SDHC: variants seen among roughly 807,000 people sequenced by gnomAD.
SDHC encodes succinate dehydrogenase complex subunit C, also known as succinate dehydrogenase cytochrome b560 subunit, mitochondrial.
A neutral mutation model predicts 22.6 loss-of-function variants in SDHC; 11 were observed. That is an observed-to-expected ratio of 0.49 (90% confidence interval 0.31 to 0.81). The LOEUF (loss-of-function observed/expected upper bound fraction) is 0.81, where lower values mean the gene tolerates loss of function less well. Ranked by LOEUF, SDHC falls within the 30% of genes least tolerant of loss-of-function variation. SDHC has a pLI of 0.05. For synonymous variants in SDHC, 80 were observed against 77.8 expected, an observed-to-expected ratio of 1.03 and a Z score of -0.15; for missense variants, 160 against 212.0, an observed-to-expected ratio of 0.75 and a Z score of 1.52.
At chr1:161,340,169 A>T (rs73024045) in intron 3 of SDHC, among the ~76,000 whole-genome samples, 11,848 of 152,018 alleles carry the variant, frequency 0.078, 520 homozygotes, top group South Asian at 0.17. Flanking sequence ...GGCACCTGTA[A>T]TCCCAGCTAC....
In SDHC at chr1:161,360,563, TA is replaced by T. The variant is rs758051207; in HGVS notation, c.406-1754del. Among the ~76,000 whole-genome samples the T allele has an allele frequency of 4.7e-3, 449 of 95,016 alleles. 2 individuals carry two copies. Among genetic ancestry groups the T allele is most frequent in the African/African-American group, 0.015 (361 of 24,862 alleles). 62.3% of individuals were successfully genotyped at this position (95,016 alleles called of 152,430 possible). ...AAAGTGAGACCCTGTCTCAAAAAAT[TA>T]AAAAAAAAAAAGTGGGGGTGGGTGG... On this transcript the variant is annotated intron_variant, in intron 5 of 5. Coordinates refer to ENST00000367975, the MANE Select transcript of SDHC (RefSeq NM_003001.5).
Position 161,345,272 on chromosome 1 carries a change from T to C in SDHC, c.241+4617T>C, listed in dbSNP as rs1304695379. Among the ~76,000 whole-genome samples the C allele has an allele frequency of 3.3e-5, 5 of 152,290 alleles. No homozygotes were observed. In the East Asian group the frequency reaches 9.6e-4, roughly 29 times the overall value. ...CCCACCCTGACCTCTTGCTGCACTG[T>C]GCTTGGTTAGTTCTTTCTTATCCTT... On this transcript the variant is annotated intron_variant, in intron 4 of 5. Transcript: ENST00000367975.
intron 3 of SDHC, among the ~76,000 whole-genome samples, chr1:161,329,709 AC>A (rs1291901026): frequency 6.6e-6 from 1 of 152,230 alleles, no homozygotes; most frequent in Non-Finnish European, 1.5e-5. Flanking sequence ...GTATTGTCTT[AC>A]CATTCTTTAG....
intron 4 of SDHC, among the ~76,000 whole-genome samples, chr1:161,347,832 C>CTCCA (rs1484693476): frequency 6.6e-6 from 1 of 152,026 alleles, no homozygotes; most frequent in African/African-American, 2.4e-5. Flanking sequence ...CGCCACTGCA[C>CTCCA]TCCAGCCTGG....
chr1:161,325,520 A>T (rs1671018671), intron 2 of SDHC, among the ~76,000 whole-genome samples: 1 of 152,060 alleles, frequency 6.6e-6, no homozygotes, highest in Non-Finnish European at 1.5e-5. Context: ...TCTCTACAAA[A>T]AATACAAAAA....
chr1:161,334,627 T>C (rs1282148797), intron 3 of SDHC, among the ~76,000 whole-genome samples: 1 of 152,050 alleles, frequency 6.6e-6, no homozygotes, highest in Non-Finnish European at 1.5e-5. Context: ...TTTCTAGAAA[T>C]GGAGTTTGGC....
At chr1:161,321,641 A>G (rs1670841587) in intron 1 of SDHC, among the ~76,000 whole-genome samples, 1 of 152,210 alleles carries the variant, frequency 6.6e-6, no homozygotes, top group Non-Finnish European at 1.5e-5. Flanking sequence ...CTTGCCTTCA[A>G]AGCTGGAAAG....
intron 1 of SDHC, among the ~76,000 whole-genome samples, chr1:161,323,274 A>AGGTGTGAGC (rs1670908046): frequency 6.6e-6 from 1 of 152,148 alleles, no homozygotes; most frequent in South Asian, 2.1e-4. Flanking sequence ...CTGGGATTAC[A>AGGTGTGAGC]GGTGTGAGCC....
intron 1 of SDHC, among the ~76,000 whole-genome samples, chr1:161,315,139 C>A (rs1332392067): frequency 6.6e-6 from 1 of 152,182 alleles, no homozygotes; most frequent in East Asian, 1.9e-4. Context: ...TCTGCTCAGC[C>A]TCTCTAGTCA....
At chr1:161,318,055 C>T (rs1670692761) in intron 1 of SDHC, among the ~76,000 whole-genome samples, 1 of 151,844 alleles carries the variant, frequency 6.6e-6, no homozygotes, top group African/African-American at 2.4e-5. Flanking sequence ...GCCTGTCGTC[C>T]CAGCTACTCG....
intron 5 of SDHC, among the ~76,000 whole-genome samples, chr1:161,359,723 A>G (rs1672429328): frequency 6.6e-6 from 1 of 152,146 alleles, no homozygotes; most frequent in African/African-American, 2.4e-5. Flanking sequence ...TCTAGCAAGT[A>G]CTGGCTGTGA....
chr1:161,317,663 G>A (rs1670675440), intron 1 of SDHC, among the ~76,000 whole-genome samples: 1 of 145,582 alleles, frequency 6.9e-6, no homozygotes, highest in African/African-American at 2.5e-5. Flanking sequence ...CTGGGTTCAA[G>A]CGATTCTCCT....
At chr1:161,336,634 G>C (rs768817470) in intron 3 of SDHC, among the ~76,000 whole-genome samples, 1 of 152,076 alleles carries the variant, frequency 6.6e-6, no homozygotes, top group Non-Finnish European at 1.5e-5. Flanking sequence ...TGTAACTCCA[G>C]ACATACTTGG....
rs532317918 is a variant in SDHC, at chr1:161,339,662, GTTTTTTTTT to G, written c.180-912_180-904del. On this transcript the variant is annotated intron_variant, in intron 3 of 5. Transcript: ENST00000367975. The stretch of plus-strand genomic sequence containing the variant: ...TTTGTAACCTAATCCTGATACAGGT[GTTTTTTTTT>G]TTTTTTTTTTTTTTTTTTTGGAGAC... 4.4e-3 allele frequency: 225 copies of G among 51,668 alleles called. 2 individuals carry two copies. Among genetic ancestry groups the G allele is most frequent in the Middle Eastern group, 8.5e-3 (1 of 118 alleles). The allele number at this position is 51,668 out of a possible 1,614,324, so 3.2% of individuals were successfully genotyped here. A position where few individuals can be genotyped will look rare whatever the true frequency, so the allele number is the denominator to read the frequency against.
intron 2 of SDHC, among the ~76,000 whole-genome samples, chr1:161,323,988 G>A (rs1670952664): frequency 1.3e-5 from 2 of 152,128 alleles, no homozygotes; most frequent in African/African-American, 2.4e-5. Flanking sequence ...GAGCCACCGC[G>A]CCCGGCCCTG....
chr1:161,326,275 T>C (rs1306805477), intron 2 of SDHC, among the ~76,000 whole-genome samples: 1 of 151,554 alleles, frequency 6.6e-6, no homozygotes, highest in African/African-American at 2.4e-5. Flanking sequence ...TGAATTAAAG[T>C]TGGTATAAAA....
chr1:161,315,706 A>G (rs1012912467), intron 1 of SDHC, among the ~76,000 whole-genome samples: 1 of 152,172 alleles, frequency 6.6e-6, no homozygotes, highest in African/African-American at 2.4e-5. Context: ...AGCGCTGTCC[A>G]CTGAAGGGAT....
chr1:161,357,429 C>T (rs751265136), intron 5 of SDHC, among the ~76,000 whole-genome samples: 3 of 152,120 alleles, frequency 2.0e-5, no homozygotes, highest in Non-Finnish European at 2.9e-5. Flanking sequence ...GACAAAGTCT[C>T]GCTCTGTCTC....
At chr1:161,331,075 C>A (rs1368057832) in intron 3 of SDHC, among the ~76,000 whole-genome samples, 1 of 151,414 alleles carries the variant, frequency 6.6e-6, no homozygotes, top group Non-Finnish European at 1.5e-5. Context: ...ACAAGACGTT[C>A]CCTTATAGAA....
Sources: gnomAD v4.1 joint callset for allele counts (sites outside exome capture counted in the v4.1 genomes callset) on GRCh38, gnomAD v4.1.1 for gene constraint, MANE v1.5 for transcripts, NCBI Gene and HGNC (gene_info 2026-07-23, HGNC 2026-07-21) for gene names.